Variants in FCRL5 observed in about 807,000 individuals in gnomAD.
FCRL5 encodes the protein Fc receptor-like protein 5.
Under a neutral mutation model 92.1 loss-of-function variants are expected in FCRL5, and 79 were observed. The ratio of observed to expected loss-of-function variants is 0.86; its 90% confidence interval spans 0.72 to 1.03. The LOEUF (loss-of-function observed/expected upper bound fraction) is 1.03. Among genes scored for constraint, FCRL5 ranks in the 50% least tolerant of loss-of-function variants. The pLI is 0.00. For missense variants in FCRL5, 1,160 were observed against 1,181.1 expected (o/e 0.98, Z 0.26); for synonymous variants, 466 against 469.3 (o/e 0.99, Z 0.09).
Position 157,515,223 on chromosome 1 carries a change from C to G in FCRL5, c.*452G>C, listed in dbSNP as rs1206977322. On this transcript the variant is annotated 3_prime_UTR_variant, in exon 17 of 17. Transcript: ENST00000361835. ...AGCACACTGCAGTAGCCCCACCAGGCTGATGACAATTGAGAAATGCATCCA... is the reference window on the plus strand; with the variant it reads ...AGCACACTGCAGTAGCCCCACCAGGGTGATGACAATTGAGAAATGCATCCA... 3 of 255,476 alleles carry G rather than the reference C, an allele frequency of 1.2e-5. No individual in the cohort carries two copies. The highest frequency in any genetic ancestry group is 6.6e-5 in the African/African-American group (3 of 45,502). The allele number at this position is 255,476 out of a possible 1,614,324, so 15.8% of individuals were successfully genotyped here.
chr1:157,547,677 C>A (rs1477866907), intron 2 of FCRL5, among the ~76,000 whole-genome samples: 1 of 152,152 alleles, frequency 6.6e-6, no homozygotes, highest in African/African-American at 2.4e-5. Flanking sequence ...TTCAAGTGCC[C>A]AGAAGAATCC....
chr1:157,552,508 G>A lies in FCRL5; in HGVS notation c.-146C>T. On this transcript the variant is annotated 5_prime_UTR_variant, in exon 1 of 17. Coordinates refer to ENST00000361835, the MANE Select transcript of FCRL5 (RefSeq NM_031281.3). ...GCTGTGCTCTCAAAAAGAGCAGAAT[G>A]CATTAGTGAATTGAAAAAAGGAAGT... The A allele has an allele frequency of 1.4e-6, 1 of 729,210 alleles. No homozygotes were observed. The highest frequency in any genetic ancestry group is 1.8e-5 in the South Asian group (1 of 54,866). 45.2% of individuals were successfully genotyped at this position (729,210 alleles called of 1,614,324 possible).
chr1:157,547,335 AG>A (rs528645872), intron 2 of FCRL5, 138 bp from the exon 3 acceptor site: 1 of 1,169,378 alleles, frequency 8.6e-7, no homozygotes, highest in Non-Finnish European at 1.3e-6. Flanking sequence ...GATAGCTCAA[AG>A]CTCCCTGTCA....
Position 157,515,321 on chromosome 1 carries a change from C to T in FCRL5, c.*354G>A. ...AGGCCAGCCCGGCATCTCCTGAAGG[C>T]CCACTCTCCCTTTGTGTGGTAAGAC... On this transcript the variant is annotated 3_prime_UTR_variant, in exon 17 of 17. Transcript: ENST00000361835. 3.0e-6 allele frequency: 1 copy of T among 328,784 alleles called. No individual in the cohort carries two copies. Among genetic ancestry groups the T allele is most frequent in the Non-Finnish European group, 5.8e-6 (1 of 172,814 alleles). The allele number at this position is 328,784 out of a possible 1,614,324, so 20.4% of individuals were successfully genotyped here. A position where few individuals can be genotyped will look rare whatever the true frequency, so the allele number is the denominator to read the frequency against.
rs1238912541 is a variant in FCRL5 at position 157,515,775 on chromosome 1, A to G, written c.2845-11T>C. Reference sequence around the variant, plus strand: ...GATGATAGGGGAACCCTAGGAGGCAAGAGCACATGCGTGAGGACCAGGGTG... The same window carrying G: ...GATGATAGGGGAACCCTAGGAGGCAGGAGCACATGCGTGAGGACCAGGGTG... On this transcript the variant is annotated splice_polypyrimidine_tract_variant and intron_variant, in intron 16 of 16. Coordinates refer to ENST00000361835, the MANE Select transcript of FCRL5 (RefSeq NM_031281.3). 1 of 1,612,726 alleles carries G rather than the reference A, an allele frequency of 6.2e-7. No individual in the cohort carries two copies. The highest frequency in any genetic ancestry group is 1.1e-5 in the South Asian group (1 of 91,048).
intron 8 of FCRL5, chr1:157,534,210 C>A: frequency 1.9e-6 from 1 of 524,450 alleles, no homozygotes; most frequent in Non-Finnish European, 3.6e-6. Flanking sequence ...TCCAAATCTA[C>A]CATAAGATTG....
At chr1:157,528,303 A>C (rs1650531956) in intron 8 of FCRL5, 1 of 153,320 alleles carries the variant, frequency 6.5e-6, no homozygotes, top group Non-Finnish European at 1.5e-5. Context: ...CACTGGTGTA[A>C]GAAATCGCAG....
At position 157,515,784 on chromosome 1, in the gene FCRL5, G is replaced by T; in HGVS notation, c.2845-20C>A. 1.2e-6 allele frequency: 2 copies of T among 1,614,046 alleles called. No individual in the cohort carries two copies. The highest frequency in any genetic ancestry group is 1.7e-6 in the Non-Finnish European group (2 of 1,179,952). Reference sequence around the variant, plus strand: ...GGAACCCTAGGAGGCAAGAGCACATGCGTGAGGACCAGGGTGGGCCTGGGG... The same window carrying T: ...GGAACCCTAGGAGGCAAGAGCACATTCGTGAGGACCAGGGTGGGCCTGGGG... On this transcript the variant is annotated intron_variant, in intron 16 of 16. Coordinates refer to ENST00000361835, the MANE Select transcript of FCRL5 (RefSeq NM_031281.3).
chr1:157,548,475 A>G (rs1396861905), intron 2 of FCRL5, among the ~76,000 whole-genome samples: 2 of 152,228 alleles, frequency 1.3e-5, no homozygotes, highest in African/African-American at 4.8e-5. Flanking sequence ...AGCAAAAGAA[A>G]CTACCATCAG....
chr1:157,537,445 C>G (rs1651018693), intron 7 of FCRL5, among the ~76,000 whole-genome samples: 1 of 152,168 alleles, frequency 6.6e-6, no homozygotes, highest in African/African-American at 2.4e-5. Flanking sequence ...CTCTCAAAAC[C>G]CTGTCTCCTG....
chr1:157,544,316 T>C lies in FCRL5; in HGVS notation c.790A>G (p.Thr264Ala), dbSNP rs190072757. Residue 264 changes from threonine (T) to alanine (A), a missense_variant, in exon 5 of 17, where the codon ACA (threonine) becomes GCA (alanine). Physicochemically the swap from Thr to Ala is moderately conservative, Grantham distance 58. Transcript: ENST00000361835. Reference protein sequence around the residue: ...DSGFYWCKAATMPYSVISDSP... With the variant: ...DSGFYWCKAAAMPYSVISDSP... ...TCAGATATGACGCTGTAAGGCATTG[T>C]TGCTGCCTTACACCAGTAGAACCCT... 4 of 1,614,180 alleles carry C rather than the reference T, an allele frequency of 2.5e-6. No homozygotes were observed. Among genetic ancestry groups the C allele is most frequent in the East Asian group, 4.5e-5 (2 of 44,884 alleles).
intron 8 of FCRL5, 23 bp from the exon 9 acceptor site, chr1:157,527,918 G>T: frequency 6.6e-7 from 1 of 1,524,610 alleles, no homozygotes; most frequent in Non-Finnish European, 8.8e-7. Context: ...ATGAGTTAGG[G>T]ACACATGTAT....
chr1:157,520,390 A>G, intron 12 of FCRL5, 41 bp downstream of exon 12: 2 of 1,386,134 alleles, frequency 1.4e-6, no homozygotes, highest in Non-Finnish European at 2.0e-6. Context: ...GTTGCTGGGA[A>G]GGGCATGAAC....
At chr1:157,534,374 G>C in intron 8 of FCRL5, 1 of 717,130 alleles carries the variant, frequency 1.4e-6, no homozygotes, top group Non-Finnish European at 2.6e-6. Flanking sequence ...GGAATGAGGA[G>C]AAAATACAAT....
chr1:157,529,465 G>C (rs912926843), intron 8 of FCRL5, among the ~76,000 whole-genome samples: 1 of 152,148 alleles, frequency 6.6e-6, no homozygotes, highest in African/African-American at 2.4e-5. Context: ...CAGAGGAAAA[G>C]AAGTCATTAT....
intron 1 of FCRL5, 56 bp from the exon 2 acceptor site, chr1:157,549,636 GA>G: frequency 6.4e-7 from 1 of 1,554,470 alleles, no homozygotes; most frequent in Non-Finnish European, 8.7e-7. Context: ...TTTGTTTTAA[GA>G]AGATAATTCC....
chr1:157,549,105 A>G (rs1338921367), intron 2 of FCRL5, among the ~76,000 whole-genome samples: 4 of 152,158 alleles, frequency 2.6e-5, no homozygotes, highest in African/African-American at 7.2e-5. Flanking sequence ...CTATGCAGCC[A>G]TAAAAAATGA....
intron 15 of FCRL5, among the ~76,000 whole-genome samples, chr1:157,516,550 T>A (rs1649943644): frequency 6.6e-6 from 1 of 152,258 alleles, no homozygotes. Context: ...TAGTTCTATA[T>A]AAGTGCTACA....
At position 157,514,924 on chromosome 1, in the gene FCRL5, C is replaced by T. The variant is rs1649853774; in HGVS notation, c.*751G>A. ...TCAGTCAAATAGTAATTGAGCACCT[C>T]CTGTGTTCCAGTATGTGTTCTGTCT... On this transcript the variant is annotated 3_prime_UTR_variant, in exon 17 of 17. Coordinates refer to ENST00000361835, the MANE Select transcript of FCRL5 (RefSeq NM_031281.3). 1 of 152,460 alleles carries T rather than the reference C, an allele frequency of 6.6e-6. No homozygotes were observed. The highest frequency in any genetic ancestry group is 6.5e-5 in the Admixed American group (1 of 15,294). 9.4% of individuals were successfully genotyped at this position (152,460 alleles called of 1,614,324 possible).
Sources: allele counts gnomAD v4.1 joint callset (sites outside exome capture counted in the v4.1 genomes callset), GRCh38; gene constraint gnomAD v4.1.1; transcripts MANE v1.5; gene names NCBI Gene and HGNC (gene_info 2026-07-23, HGNC 2026-07-21).